Variants in PTPRM observed in about 807,000 individuals in gnomAD.
PTPRM encodes protein tyrosine phosphatase receptor type M.
A neutral mutation model predicts 186.7 loss-of-function variants in PTPRM; 47 were observed. The observed-to-expected ratio is 0.25, with a 90% confidence interval of 0.20 to 0.32. The LOEUF is 0.32. Ranked by LOEUF, PTPRM falls within the 10% of genes least tolerant of loss-of-function variation. The pLI, the probability that PTPRM is intolerant of heterozygous loss-of-function variation, is 1.00. For synonymous variants in PTPRM, 668 were observed against 674.9 expected (o/e 0.99, Z 0.16); for missense variants, 1,494 against 1,865.0 (o/e 0.80, Z 3.66).
intron 19 of PTPRM, among the ~76,000 whole-genome samples, chr18:8,289,459 C>T (rs182813300): frequency 2.1e-4 from 16 of 77,172 alleles, no homozygotes; most frequent in East Asian, 1.2e-3. Flanking sequence ...TATGTATATA[C>T]ATATATATAC....
At chr18:7,613,175 A>G (rs1311250482) in intron 1 of PTPRM, among the ~76,000 whole-genome samples, 4 of 152,324 alleles carry the variant, frequency 2.6e-5, no homozygotes, top group East Asian at 1.9e-4. Flanking sequence ...TACCTATGGT[A>G]ATTCAGATAC....
chr18:8,298,074 C>T (rs553564756), intron 20 of PTPRM, among the ~76,000 whole-genome samples: 2 of 152,274 alleles, frequency 1.3e-5, no homozygotes, highest in East Asian at 1.9e-4. Flanking sequence ...GCAGTCAGAT[C>T]GCTGTGGCAG....
chr18:7,651,873 A>C (rs2144284722), intron 1 of PTPRM, among the ~76,000 whole-genome samples: 1 of 151,742 alleles, frequency 6.6e-6, no homozygotes, highest in East Asian at 1.9e-4. Context: ...CACCAAAAGC[A>C]ATGGCAACAA....
intron 1 of PTPRM, among the ~76,000 whole-genome samples, chr18:7,686,320 G>C (rs1458863911): frequency 6.6e-6 from 1 of 152,098 alleles, no homozygotes; most frequent in Non-Finnish European, 1.5e-5. Flanking sequence ...AGAATCTCTT[G>C]TTACTTAAAA....
chr18:7,961,711 T>C (rs77967602), intron 7 of PTPRM, among the ~76,000 whole-genome samples: 1,818 of 152,322 alleles, frequency 0.012, 25 homozygotes, highest in African/African-American at 0.041. Context: ...TTGCTGGGAA[T>C]AGGAGTGATG....
At chr18:7,825,539 G>A (rs187426550) in intron 2 of PTPRM, among the ~76,000 whole-genome samples, 35 of 152,246 alleles carry the variant, frequency 2.3e-4, no homozygotes, top group Non-Finnish European at 4.4e-4. Flanking sequence ...AAGGATGTGA[G>A]GGAGGAGAAG....
intron 23 of PTPRM, among the ~76,000 whole-genome samples, chr18:8,356,906 A>T (rs2095566435): frequency 6.6e-6 from 1 of 152,222 alleles, no homozygotes; most frequent in Non-Finnish European, 1.5e-5. Context: ...GGAATTATCC[A>T]TATGAACTCT....
intron 5 of PTPRM, among the ~76,000 whole-genome samples, chr18:7,948,435 A>G (rs1309691922): frequency 6.6e-6 from 1 of 152,182 alleles, no homozygotes; most frequent in Non-Finnish European, 1.5e-5. Context: ...TATTGGAAGC[A>G]TAGAATGGAT....
At chr18:8,300,559 G>T (rs2095145685) in intron 20 of PTPRM, among the ~76,000 whole-genome samples, 1 of 151,910 alleles carries the variant, frequency 6.6e-6, no homozygotes, top group African/African-American at 2.4e-5. Context: ...TGAGCTGGTA[G>T]GTAATTCAGG....
At chr18:7,674,989 A>G (rs975781602) in intron 1 of PTPRM, among the ~76,000 whole-genome samples, 1 of 152,230 alleles carries the variant, frequency 6.6e-6, no homozygotes, top group South Asian at 2.1e-4. Flanking sequence ...CTTTTGTTAT[A>G]TTAATAGATC....
At chr18:8,247,420 A>C (rs2094487499) in intron 15 of PTPRM, among the ~76,000 whole-genome samples, 1 of 152,206 alleles carries the variant, frequency 6.6e-6, no homozygotes, top group African/African-American at 2.4e-5. Flanking sequence ...GAGCAAGGAG[A>C]GGATTTAGCA....
chr18:7,701,239 G>A (rs530328521), intron 1 of PTPRM, among the ~76,000 whole-genome samples: 2 of 150,848 alleles, frequency 1.3e-5, no homozygotes, highest in African/African-American at 4.9e-5. Flanking sequence ...AGAAGGTGGA[G>A]GTAGCAGTGA....
chr18:7,899,313 C>A (rs1438808674), intron 3 of PTPRM, among the ~76,000 whole-genome samples: 1 of 152,186 alleles, frequency 6.6e-6, no homozygotes, highest in Admixed American at 6.5e-5. Context: ...TGTTGAGCAA[C>A]TCACATTTTT....
intron 19 of PTPRM, among the ~76,000 whole-genome samples, chr18:8,265,489 C>T (rs1419716384): frequency 6.6e-6 from 1 of 152,182 alleles, no homozygotes; most frequent in Non-Finnish European, 1.5e-5. Context: ...GTTTGTAAGC[C>T]TGAGTTGGGC....
At chr18:8,105,491 G>A (rs2091475158) in intron 11 of PTPRM, among the ~76,000 whole-genome samples, 1 of 152,204 alleles carries the variant, frequency 6.6e-6, no homozygotes, top group African/African-American at 2.4e-5. Context: ...TAATAGAGTA[G>A]ATGTATTTGA....
chr18:8,001,846 A>C (rs189473802), intron 7 of PTPRM, among the ~76,000 whole-genome samples: 12 of 152,336 alleles, frequency 7.9e-5, no homozygotes, highest in Admixed American at 7.8e-4. Flanking sequence ...GAATGGTCTT[A>C]CTGAACACAT....
chr18:8,082,813 T>C (rs1407627962), intron 9 of PTPRM, among the ~76,000 whole-genome samples: 1 of 152,044 alleles, frequency 6.6e-6, no homozygotes, highest in Non-Finnish European at 1.5e-5. Flanking sequence ...CTTCATGTCA[T>C]ACATGTGTGT....
At chr18:7,772,337 C>CT (rs1341599021) in intron 1 of PTPRM, among the ~76,000 whole-genome samples, 4 of 128,254 alleles carry the variant, frequency 3.1e-5, no homozygotes, top group African/African-American at 5.7e-5. Flanking sequence ...TCTTTCTTTT[C>CT]TTTCTTTCTT....
At chr18:8,165,574 T>G (rs2093310383) in intron 14 of PTPRM, among the ~76,000 whole-genome samples, 1 of 152,216 alleles carries the variant, frequency 6.6e-6, no homozygotes, top group Admixed American at 6.5e-5. Context: ...TTAGGCAGCG[T>G]GTACCGCCAA....
Sources: allele counts gnomAD v4.1 joint callset (sites outside exome capture counted in the v4.1 genomes callset), GRCh38; gene constraint gnomAD v4.1.1; transcripts MANE v1.5; gene names NCBI Gene and HGNC (gene_info 2026-07-23, HGNC 2026-07-21).